Variants in NTM observed in about 807,000 individuals in gnomAD.
NTM encodes IgLON family member 2.
In NTM, 13 loss-of-function variants were observed where a neutral mutation model predicts 42.1. The observed-to-expected ratio is 0.31, with a 90% confidence interval of 0.20 to 0.49. NTM has a LOEUF of 0.49. NTM is among the 20% of genes least tolerant of loss of function. NTM has a pLI of 0.99. For synonymous variants in NTM, 187 were observed against 179.2 expected (o/e 1.04, Z -0.35); for missense variants, 373 against 452.8 (o/e 0.82, Z 1.60).
chr11:131,506,432 C>A (rs930549014), intron 1 of NTM, among the ~76,000 whole-genome samples: 49 of 152,196 alleles, frequency 3.2e-4, no homozygotes, highest in African/African-American at 9.6e-4. Flanking sequence ...AATACCCTGG[C>A]AAATGGGATT....
intron 1 of NTM, among the ~76,000 whole-genome samples, chr11:131,418,833 T>C (rs562671129): frequency 2.0e-5 from 3 of 152,342 alleles, no homozygotes; most frequent in Middle Eastern, 6.8e-3. Context: ...GTGTATCATA[T>C]GTATGCAAAG....
intron 1 of NTM, among the ~76,000 whole-genome samples, chr11:131,505,166 G>A (rs896311872): frequency 6.6e-6 from 1 of 151,914 alleles, no homozygotes; most frequent in East Asian, 1.9e-4. Context: ...CCACAGGAGT[G>A]GTTTGAGGAT....
intron 2 of NTM, among the ~76,000 whole-genome samples, chr11:132,108,931 A>G (rs2062794139): frequency 6.6e-6 from 1 of 151,938 alleles, no homozygotes; most frequent in Non-Finnish European, 1.5e-5. Flanking sequence ...TTCAACTCCC[A>G]CTTATGAGTG....
intron 1 of NTM, among the ~76,000 whole-genome samples, chr11:131,387,980 T>C (rs899659336): frequency 1.8e-4 from 28 of 152,206 alleles, no homozygotes; most frequent in Non-Finnish European, 2.5e-4. Flanking sequence ...AATCAGAAAG[T>C]ATGGGGCCAG....
chr11:131,636,192 C>T (rs1043588969), intron 1 of NTM, among the ~76,000 whole-genome samples: 1 of 152,166 alleles, frequency 6.6e-6, no homozygotes, highest in African/African-American at 2.4e-5. Context: ...AGCCCCACCA[C>T]GGAGGACTGA....
At chr11:131,647,608 A>G (rs1452209382) in intron 1 of NTM, among the ~76,000 whole-genome samples, 1 of 152,224 alleles carries the variant, frequency 6.6e-6, no homozygotes, top group Non-Finnish European at 1.5e-5. Flanking sequence ...TGTGAATTCT[A>G]TAAATCATGT....
intron 4 of NTM, among the ~76,000 whole-genome samples, chr11:132,253,001 G>A (rs535031311): frequency 3.0e-4 from 45 of 152,278 alleles, no homozygotes; most frequent in Admixed American, 5.2e-4. Flanking sequence ...TTACAGTACC[G>A]TCTTGCAGGA....
chr11:131,913,958 G>A (rs1454078138), intron 2 of NTM, among the ~76,000 whole-genome samples: 1 of 152,154 alleles, frequency 6.6e-6, no homozygotes, highest in Non-Finnish European at 1.5e-5. Flanking sequence ...GGTGTAACAA[G>A]CAACCAGTAT....
chr11:131,737,838 G>C (rs756472628), intron 1 of NTM, among the ~76,000 whole-genome samples: 2 of 152,214 alleles, frequency 1.3e-5, no homozygotes, highest in Middle Eastern at 3.4e-3. Flanking sequence ...CCCAGTACAA[G>C]GTTGACACCG....
chr11:131,890,160 C>G (rs200840599), intron 1 of NTM, among the ~76,000 whole-genome samples: 1 of 148,228 alleles, frequency 6.7e-6, no homozygotes, highest in African/African-American at 2.5e-5. Context: ...CTCTCTGTCT[C>G]TCTCTCTCTC....
chr11:132,249,616 T>C (rs774985719), intron 4 of NTM, among the ~76,000 whole-genome samples: 11 of 152,240 alleles, frequency 7.2e-5, no homozygotes, highest in Non-Finnish European at 1.6e-4. Context: ...CTTAGAATCC[T>C]CCTTTCCTTT....
chr11:132,138,546 G>A (rs2068400859), intron 2 of NTM, among the ~76,000 whole-genome samples: 1 of 116,610 alleles, frequency 8.6e-6, no homozygotes, highest in African/African-American at 3.1e-5. Flanking sequence ...ATTAGTCTGG[G>A]TTTTCCTTTT....
At chr11:131,538,876 C>A (rs138403005) in intron 1 of NTM, among the ~76,000 whole-genome samples, 55 of 147,036 alleles carry the variant, frequency 3.7e-4, no homozygotes, top group African/African-American at 1.3e-3. Flanking sequence ...CAAATGTTCT[C>A]ACCATAAAAA....
intron 3 of NTM, among the ~76,000 whole-genome samples, chr11:132,206,156 T>C (rs1185723080): frequency 4.6e-5 from 7 of 152,216 alleles, no homozygotes; most frequent in Admixed American, 2.0e-4. Flanking sequence ...CCAGTTTCTG[T>C]CTATTTTACT....
In NTM at chr11:131,376,528, C is replaced by T. The variant is rs181035106; in HGVS notation, c.82+5640C>T. The stretch of plus-strand genomic sequence containing the variant: ...AGCTCTGTAAGTCATTTGCAAACTG[C>T]AAAACAAACCAACAAAGATTCACAT... On this transcript the variant is annotated intron_variant, in intron 1 of 8. Coordinates refer to ENST00000683400, the MANE Select transcript of NTM (RefSeq NM_001352005.2). 5.6e-4 allele frequency among the ~76,000 whole-genome samples: 86 copies of T among 152,244 alleles called. 1 individual carries two copies. Among genetic ancestry groups the T allele is most frequent in the African/African-American group, 2.0e-3 (82 of 41,530 alleles).
intron 2 of NTM, among the ~76,000 whole-genome samples, chr11:132,120,676 T>A (rs2064650936): frequency 1.3e-5 from 2 of 152,226 alleles, no homozygotes; most frequent in Admixed American, 1.3e-4. Flanking sequence ...TTTGCCTCCC[T>A]GCTTAGGGTT....
At chr11:132,151,529 AT>A (rs1268141891) in intron 3 of NTM, among the ~76,000 whole-genome samples, 1 of 152,256 alleles carries the variant, frequency 6.6e-6, no homozygotes, top group Non-Finnish European at 1.5e-5. Context: ...TATTAGTGTA[AT>A]AAAAAATGTT....
At chr11:132,333,329 C>G (rs184747155) in intron 8 of NTM, among the ~76,000 whole-genome samples, 1 of 152,212 alleles carries the variant, frequency 6.6e-6, no homozygotes, top group Non-Finnish European at 1.5e-5. Flanking sequence ...AGGACTTACG[C>G]AGAGCAGAGA....
At chr11:131,579,701 AC>A (rs1419329627) in intron 1 of NTM, among the ~76,000 whole-genome samples, 5 of 152,216 alleles carry the variant, frequency 3.3e-5, no homozygotes, top group Admixed American at 6.5e-5. Flanking sequence ...CAGGAAGAGA[AC>A]TTTTACATCC....
Sources: gnomAD v4.1 joint callset for allele counts (sites outside exome capture counted in the v4.1 genomes callset) on GRCh38, gnomAD v4.1.1 for gene constraint, MANE v1.5 for transcripts, NCBI Gene and HGNC (gene_info 2026-07-23, HGNC 2026-07-21) for gene names.